The following SRFBP1 variants were observed in gnomAD, a reference collection of about 807,000 sequenced individuals.
SRFBP1 encodes the protein serum response factor binding protein 1.
SRFBP1 carries 47 observed loss-of-function variants against 45.5 expected under a neutral mutation model. The ratio of observed to expected loss-of-function variants is 1.03; its 90% confidence interval spans 0.82 to 1.32. SRFBP1 has a LOEUF of 1.32. SRFBP1 is among the 40% of genes most tolerant of loss of function. SRFBP1 has a pLI of 0.00. For missense variants in SRFBP1, 621 were observed against 484.6 expected (o/e 1.28, Z -2.64); for synonymous variants, 203 against 166.3 (o/e 1.22, Z -1.70).
At chr5:122,048,699 A>G (rs1753910469) in intron 2 of SRFBP1, among the ~76,000 whole-genome samples, 1 of 152,144 alleles carries the variant, frequency 6.6e-6, no homozygotes, top group Admixed American at 6.5e-5. Context: ...TTGGTAAGCT[A>G]TTAATTATTG....
intron 4 of SRFBP1, among the ~76,000 whole-genome samples, chr5:121,998,550 G>A (rs1471400418): frequency 6.8e-5 from 10 of 146,526 alleles, no homozygotes; most frequent in African/African-American, 2.5e-4. Flanking sequence ...AGCATTGGGA[G>A]ATATACCTAA....
chr5:122,053,335 T>G (rs926798233), intron 2 of SRFBP1, among the ~76,000 whole-genome samples: 6 of 152,106 alleles, frequency 3.9e-5, no homozygotes, highest in African/African-American at 1.4e-4. Flanking sequence ...GGCAAACTCA[T>G]GCAGAAGTAG....
intron 2 of SRFBP1, among the ~76,000 whole-genome samples, chr5:122,045,201 T>G (rs546421628): frequency 3.3e-5 from 5 of 152,352 alleles, no homozygotes; most frequent in African/African-American, 1.2e-4. Flanking sequence ...CTCTTTATTC[T>G]GTTTTGGTCT....
intron 2 of SRFBP1, among the ~76,000 whole-genome samples, chr5:122,053,151 TG>T (rs2152578409): frequency 6.6e-6 from 1 of 152,268 alleles, no homozygotes; most frequent in Admixed American, 6.5e-5. Context: ...GTTGTTCCTG[TG>T]CTTCCTGGGA....
At chr5:121,967,588 T>C (rs532843023) in intron 1 of SRFBP1, among the ~76,000 whole-genome samples, 111 of 152,268 alleles carry the variant, frequency 7.3e-4, no homozygotes, top group African/African-American at 2.5e-3. Context: ...ATCCCAGCAC[T>C]TTGGGAGGCT....
At chr5:122,023,777 C>T (rs1006870793) in intron 7 of SRFBP1, among the ~76,000 whole-genome samples, 1 of 152,158 alleles carries the variant, frequency 6.6e-6, no homozygotes, top group Non-Finnish European at 1.5e-5. Flanking sequence ...CTTGTGATTT[C>T]TTTCACTATA....
chr5:122,038,782 C>T (rs1753729790), intron 2 of SRFBP1, among the ~76,000 whole-genome samples: 1 of 152,188 alleles, frequency 6.6e-6, no homozygotes, highest in African/African-American at 2.4e-5. Context: ...AAACTATAGT[C>T]ATTTGCCTGT....
intron 4 of SRFBP1, among the ~76,000 whole-genome samples, chr5:122,002,678 A>G (rs899152352): frequency 2.0e-5 from 3 of 152,206 alleles, no homozygotes; most frequent in African/African-American, 7.2e-5. Context: ...TAGAGTTTCA[A>G]AGTGTTGAGA....
rs115465625 is a variant in SRFBP1 at position 121,979,921 on chromosome 5, T to C, written c.198+4534T>C. ...AACCCATAAATTCTGGGTTTGTTTA[T>C]TGTAAGCATCCTTAACAAGGGACAG... On this transcript the variant is annotated intron_variant, in intron 3 of 7. Transcript: ENST00000339397. 2.6e-3 allele frequency among the ~76,000 whole-genome samples: 397 copies of C among 152,324 alleles called. 1 individual carries two copies. Among genetic ancestry groups the C allele is most frequent in the Middle Eastern group, 6.8e-3 (2 of 294 alleles).
At chr5:121,974,116 CA>C in intron 1 of SRFBP1, 79 bp from the exon 2 acceptor site, 5 of 961,344 alleles carry the variant, frequency 5.2e-6, no homozygotes, top group South Asian at 3.0e-5. Context: ...GACTAAGTCT[CA>C]AATATTAAGA....
chr5:121,998,495 T>A (rs1343906271), intron 4 of SRFBP1, among the ~76,000 whole-genome samples: 12 of 120,068 alleles, frequency 1.0e-4, no homozygotes, highest in Non-Finnish European at 1.8e-4. Flanking sequence ...AAGGGGAATA[T>A]CACACTCTGG....
downstream of SRFBP1, chr5:122,077,751 C>A: frequency 6.4e-7 from 1 of 1,562,550 alleles, no homozygotes; most frequent in Non-Finnish European, 8.6e-7. The surrounding 1 kb of genome is among the most constrained non-coding windows in gnomAD (Gnocchi z 4.9). Flanking sequence ...GCGTTGGCTG[C>A]ACCAGGGACG....
intron 2 of SRFBP1, among the ~76,000 whole-genome samples, chr5:122,062,060 A>G (rs1415626777): frequency 6.6e-6 from 1 of 151,952 alleles, no homozygotes; most frequent in Non-Finnish European, 1.5e-5. Flanking sequence ...AAGAAACACT[A>G]GATAACAAAG....
At chr5:122,030,367 C>G (rs974751464), downstream of SRFBP1, among the ~76,000 whole-genome samples, 2 of 152,192 alleles carry the variant, frequency 1.3e-5, no homozygotes, top group Non-Finnish European at 2.9e-5. Context: ...GCTGTGAAAA[C>G]CAACAGCCCA....
chr5:121,977,416 CTA>C (rs1443542956), intron 3 of SRFBP1, among the ~76,000 whole-genome samples: 1 of 152,038 alleles, frequency 6.6e-6, no homozygotes, highest in African/African-American at 2.4e-5. Context: ...ACTAGAAAGA[CTA>C]TATATTTGCT....
At chr5:122,030,411 C>T (rs1753570284), downstream of SRFBP1, among the ~76,000 whole-genome samples, 1 of 152,198 alleles carries the variant, frequency 6.6e-6, no homozygotes, top group African/African-American at 2.4e-5. Flanking sequence ...CTGGCAGCCA[C>T]TGGAGGGAGT....
At chr5:122,000,542 A>C (rs1042079987) in intron 4 of SRFBP1, among the ~76,000 whole-genome samples, 8 of 152,060 alleles carry the variant, frequency 5.3e-5, no homozygotes, top group African/African-American at 1.9e-4. Context: ...ATTTTAAAAA[A>C]TATTTTTACT....
chr5:122,044,289 G>C (rs1753815839), intron 2 of SRFBP1, among the ~76,000 whole-genome samples: 1 of 152,128 alleles, frequency 6.6e-6, no homozygotes, highest in African/African-American at 2.4e-5. Flanking sequence ...CTTTGCTATT[G>C]TGAATAGGGC....
chr5:122,073,419 A>G (rs967283413), intron 2 of SRFBP1, among the ~76,000 whole-genome samples: 1 of 152,188 alleles, frequency 6.6e-6, no homozygotes, highest in African/African-American at 2.4e-5. Context: ...TCTTATTTGC[A>G]TTATTAAAAG....
Sources: allele counts gnomAD v4.1 joint callset (sites outside exome capture counted in the v4.1 genomes callset), GRCh38; gene constraint gnomAD v4.1.1; non-coding constraint Gnocchi (gnomAD v3.1); transcripts MANE v1.5; gene names NCBI Gene and HGNC (gene_info 2026-07-23, HGNC 2026-07-21).